The following SRGAP1 variants were observed in gnomAD, a reference collection of about 807,000 sequenced individuals.
SRGAP1 encodes SLIT-ROBO Rho GTPase activating protein 1.
SRGAP1 carries 43 observed loss-of-function variants against 121.9 expected under a neutral mutation model. That is an observed-to-expected ratio of 0.35 (90% CI 0.28 to 0.46). The LOEUF is 0.46. Among genes scored for constraint, SRGAP1 ranks in the 20% least tolerant of loss-of-function variants. SRGAP1 has a pLI of 1.00. For synonymous variants in SRGAP1, 447 were observed against 485.4 expected, an observed-to-expected ratio of 0.92 and a Z score of 1.04; for missense variants, 1,102 against 1,350.9, an observed-to-expected ratio of 0.82 and a Z score of 2.89.
intron 1 of SRGAP1, among the ~76,000 whole-genome samples, chr12:63,920,942 A>G (rs1264600460): frequency 6.6e-6 from 1 of 152,218 alleles, no homozygotes; most frequent in Non-Finnish European, 1.5e-5. Context: ...GTAGCTACCT[A>G]CTTGACATGT....
At chr12:63,979,968 A>C (rs1222462876) in intron 1 of SRGAP1, among the ~76,000 whole-genome samples, 1 of 152,230 alleles carries the variant, frequency 6.6e-6, no homozygotes, top group Admixed American at 6.5e-5. Context: ...CCATGATGAC[A>C]GTGGTGCCTC....
chr12:64,030,218 CATTA>C (rs1370950449), intron 4 of SRGAP1, among the ~76,000 whole-genome samples: 1 of 152,068 alleles, frequency 6.6e-6, no homozygotes, highest in Non-Finnish European at 1.5e-5. Flanking sequence ...AGCAATAGAA[CATTA>C]ATTAAGTCCA....
Position 64,157,217 on chromosome 12 carries a change from G to C in SRGAP1, c.*14545G>C, listed in dbSNP as rs987371371. On this transcript the variant is annotated 3_prime_UTR_variant, in exon 22 of 22. Transcript: ENST00000355086. ...AACTCATGAGGGTTACCATATGTCTGACACTGTAGGAAGAGCTGAAGCAGG... is the reference window on the plus strand; with the variant it reads ...AACTCATGAGGGTTACCATATGTCTCACACTGTAGGAAGAGCTGAAGCAGG... The C allele has an allele frequency of 6.6e-6, 1 of 152,194 alleles. No individual in the cohort carries two copies. The highest frequency in any genetic ancestry group is 2.4e-5 in the African/African-American group (1 of 41,434). The allele number at this position is 152,194 out of a possible 1,614,324, so 9.4% of individuals were successfully genotyped here.
intron 1 of SRGAP1, among the ~76,000 whole-genome samples, chr12:63,956,722 T>TC (rs781149579): frequency 2.3e-5 from 3 of 131,764 alleles, no homozygotes; most frequent in South Asian, 5.1e-4. Flanking sequence ...AAGCAAGGCT[T>TC]TTTTTTTTTT....
rs185823413 is a variant in SRGAP1, at chr12:63,944,371, A to C, written c.68-39576A>C. ...CAAGATCAAGGCAGATTCAATGTCT[A>C]CTAAGGGCCCACTTTCTGGTCATCT... On this transcript the variant is annotated intron_variant, in intron 1 of 21. Coordinates refer to ENST00000355086, the MANE Select transcript of SRGAP1 (RefSeq NM_020762.4). 4.6e-5 allele frequency among the ~76,000 whole-genome samples: 7 copies of C among 152,298 alleles called. No homozygotes were observed. The East Asian group carries it at 7.7e-4, about 17-fold the overall frequency.
chr12:63,896,421 A>G (rs925114405), intron 1 of SRGAP1, among the ~76,000 whole-genome samples: 2 of 152,172 alleles, frequency 1.3e-5, no homozygotes, highest in Admixed American at 6.6e-5. Flanking sequence ...GGAAGCTGGT[A>G]TGTGGTTCTT....
intron 1 of SRGAP1, among the ~76,000 whole-genome samples, chr12:63,973,261 A>T (rs978830645): frequency 3.3e-5 from 5 of 152,234 alleles, no homozygotes; most frequent in Non-Finnish European, 7.3e-5. Context: ...TATATTCTAA[A>T]CATTCTAGTA....
intron 1 of SRGAP1, among the ~76,000 whole-genome samples, chr12:63,846,387 TG>T (rs1382732023): frequency 6.6e-6 from 1 of 152,216 alleles, no homozygotes; most frequent in Non-Finnish European, 1.5e-5. Context: ...TTTTTCCACA[TG>T]GCTCTTTGTG....
intron 1 of SRGAP1, among the ~76,000 whole-genome samples, chr12:63,979,646 A>T (rs1015279542): frequency 3.3e-5 from 5 of 152,086 alleles, no homozygotes; most frequent in Non-Finnish European, 5.9e-5. Context: ...TGTCTTCCTA[A>T]CAAGAAGGAC....
chr12:63,865,410 G>A (rs1235264609), intron 1 of SRGAP1, among the ~76,000 whole-genome samples: 4 of 151,992 alleles, frequency 2.6e-5, no homozygotes, highest in African/African-American at 9.7e-5. Flanking sequence ...TGGAGGTTGC[G>A]GTGAGCCGAG....
chr12:64,013,782 A>G (rs933983202), intron 3 of SRGAP1, among the ~76,000 whole-genome samples: 1 of 152,216 alleles, frequency 6.6e-6, no homozygotes, highest in Non-Finnish European at 1.5e-5. Context: ...GATAGGTTTA[A>G]TATACACACA....
At chr12:63,855,473 G>GTGTTT (rs1899207939) in intron 1 of SRGAP1, among the ~76,000 whole-genome samples, 1 of 52,900 alleles carries the variant, frequency 1.9e-5, no homozygotes, top group African/African-American at 7.1e-5. Flanking sequence ...GAAAAATGGT[G>GTGTTT]TTTTTTTTTT....
In SRGAP1 at chr12:64,041,901, ATTATTATTATTAT is replaced by A. The variant is rs1258348534; in HGVS notation, c.490-886_490-874del. Among the ~76,000 whole-genome samples, 3 of 144,404 alleles carry A rather than the reference ATTATTATTATTAT, an allele frequency of 2.1e-5. No homozygotes were observed. In the Admixed American group the frequency reaches 2.1e-4, roughly 10 times the overall value. The allele number at this position is 144,404 out of a possible 152,430, so 94.7% of individuals were successfully genotyped here. On this transcript the variant is annotated intron_variant, in intron 4 of 21. Transcript: ENST00000355086. ...TATTATTATTATTATTATTATTATT[ATTATTATTATTAT>A]TTGAGATGGAGTCTCACTTTGTCAC...
In SRGAP1 at chr12:64,107,869, G is replaced by C. The variant is rs549309134; in HGVS notation, c.1814-1063G>C. Among the ~76,000 whole-genome samples the C allele has an allele frequency of 2.6e-5, 4 of 152,260 alleles. No individual in the cohort carries two copies. In the South Asian group the frequency reaches 8.3e-4, roughly 32 times the overall value. On this transcript the variant is annotated intron_variant, in intron 15 of 21. Transcript: ENST00000355086. ...TATCTTCAAAGTTGTACTTTGTAAAGGTACAGCTTTACAAAGTGGTAGTCT... is the reference window on the plus strand; with the variant it reads ...TATCTTCAAAGTTGTACTTTGTAAACGTACAGCTTTACAAAGTGGTAGTCT...
intron 3 of SRGAP1, among the ~76,000 whole-genome samples, chr12:64,002,232 A>G (rs1026865880): frequency 6.6e-6 from 1 of 152,238 alleles, no homozygotes; most frequent in Non-Finnish European, 1.5e-5. Flanking sequence ...CTCATGCCCC[A>G]GTCACCAGAC....
chr12:63,895,026 A>G (rs567277166), intron 1 of SRGAP1, among the ~76,000 whole-genome samples: 2 of 152,304 alleles, frequency 1.3e-5, no homozygotes, highest in East Asian at 3.9e-4. Flanking sequence ...TGGTATTTCT[A>G]GTTCTAGATC....
At chr12:64,092,486 A>T (rs1457971671) in intron 12 of SRGAP1, among the ~76,000 whole-genome samples, 3 of 151,584 alleles carry the variant, frequency 2.0e-5, no homozygotes, top group Admixed American at 2.0e-4. Context: ...ACATACATAC[A>T]TACATACATA....
At chr12:64,012,638 G>A (rs1370769648) in intron 3 of SRGAP1, among the ~76,000 whole-genome samples, 3 of 127,900 alleles carry the variant, frequency 2.3e-5, no homozygotes, top group Non-Finnish European at 4.7e-5. Context: ...CTGCAGCCTC[G>A]AACTCTTAGG....
chr12:64,147,823 A>G lies in SRGAP1; in HGVS notation c.*5151A>G. The G allele has an allele frequency of 2.5e-6, 1 of 396,730 alleles. No individual in the cohort carries two copies. Among genetic ancestry groups the G allele is most frequent in the Non-Finnish European group, 4.4e-6 (1 of 225,522 alleles). The allele number at this position is 396,730 out of a possible 1,614,324, so 24.6% of individuals were successfully genotyped here. On this transcript the variant is annotated 3_prime_UTR_variant, in exon 22 of 22. Transcript: ENST00000355086. ...ACGGTGTATCTTTATAATAAATAAG[A>G]TAGTTCTGGCTGCCTTTGTCTGCTT... is the stretch of plus-strand genomic sequence containing the variant.
Sources: gnomAD v4.1 joint callset for allele counts (sites outside exome capture counted in the v4.1 genomes callset) on GRCh38, gnomAD v4.1.1 for gene constraint, MANE v1.5 for transcripts, NCBI Gene and HGNC (gene_info 2026-07-23, HGNC 2026-07-21) for gene names.